Variants in GAS6 observed in about 807,000 individuals in gnomAD.
GAS6 encodes the protein growth arrest-specific protein 6.
In GAS6, 41 loss-of-function variants were observed where a neutral mutation model predicts 75.8. The observed-to-expected ratio is 0.54, with a 90% CI of 0.42 to 0.70. The LOEUF (loss-of-function observed/expected upper bound fraction) is 0.70, where lower values mean the gene tolerates loss of function less well. Among genes scored for constraint, GAS6 ranks in the 30% least tolerant of loss-of-function variants. The probability of loss-of-function intolerance (pLI) is 0.00; values close to 1 mark genes in which losing one functional copy is unlikely to be tolerated. For synonymous variants in GAS6, 432 were observed against 412.6 expected (o/e 1.05, Z -0.57); for missense variants, 854 against 940.2 (o/e 0.91, Z 1.20).
chr13:113,838,914 T>G (rs1170134561), intron 5 of GAS6, among the ~76,000 whole-genome samples: 20 of 152,100 alleles, frequency 1.3e-4, no homozygotes, highest in Non-Finnish European at 1.5e-5. Context: ...GGCTTGGACC[T>G]CACACCCCAC....
chr13:113,857,596 G>A (rs1230635834), intron 2 of GAS6, among the ~76,000 whole-genome samples: 5 of 152,184 alleles, frequency 3.3e-5, no homozygotes, highest in Admixed American at 6.5e-5. Flanking sequence ...CCTGTCAATC[G>A]CTCTGGGGTA....
intron 14 of GAS6, 55 bp from the exon 15 acceptor site, chr13:113,821,073 C>G (rs2051450683): frequency 6.3e-7 from 1 of 1,582,954 alleles, no homozygotes; most frequent in Non-Finnish European, 8.6e-7. Context: ...CCGGCCCCGC[C>G]TGGCCCCCCC....
chr13:113,829,161 T>A (rs1315170843), intron 10 of GAS6, among the ~76,000 whole-genome samples: 10 of 83,338 alleles, frequency 1.2e-4, no homozygotes, highest in East Asian at 3.4e-4. Flanking sequence ...CACCTGATCC[T>A]CCCCTGAGCC....
chr13:113,820,805 C>T lies in GAS6; in HGVS notation c.*59G>A. On this transcript the variant is annotated 3_prime_UTR_variant, in exon 15 of 15. Transcript: ENST00000327773. ...ATGGCCCCACGTGGTGAGGAGCCCC[C>T]AGGCTCCTCCCGGCTGTCTCGGACA... 6.4e-7 allele frequency: 1 copy of T among 1,555,360 alleles called. No homozygotes were observed. Among genetic ancestry groups the T allele is most frequent in the Non-Finnish European group, 8.7e-7 (1 of 1,147,826 alleles).
intron 2 of GAS6, among the ~76,000 whole-genome samples, chr13:113,861,208 C>T (rs1268482704): frequency 1.3e-5 from 2 of 152,196 alleles, no homozygotes; most frequent in East Asian, 3.9e-4. Flanking sequence ...GCTGTCCCTT[C>T]CCTCCCTCGT....
intron 10 of GAS6, among the ~76,000 whole-genome samples, chr13:113,831,436 G>C (rs1482246831): frequency 1.3e-5 from 2 of 152,198 alleles, no homozygotes; most frequent in Admixed American, 6.5e-5. Context: ...GGAGCTCTGG[G>C]CTGTGGTGCG....
In GAS6 at chr13:113,820,648, T is replaced by TCTGCGCTGCGCCGG; in HGVS notation, c.*202_*215dup. The stretch of plus-strand genomic sequence containing the variant: ...AGAGAATTATTTTCTTCGAGCCCGC[T>TCTGCGCTGCGCCGG]CTGCGCTGCGCCGGCCTCCCCGCGC... On this transcript the variant is annotated 3_prime_UTR_variant, in exon 15 of 15. Transcript: ENST00000327773. 1.8e-6 allele frequency: 1 copy of TCTGCGCTGCGCCGG among 546,206 alleles called. No homozygotes were observed. Among genetic ancestry groups the TCTGCGCTGCGCCGG allele is most frequent in the Non-Finnish European group, 3.3e-6 (1 of 307,042 alleles). The allele number at this position is 546,206 out of a possible 1,614,324, so 33.8% of individuals were successfully genotyped here. A position where few individuals can be genotyped will look rare whatever the true frequency, so the allele number is the denominator to read the frequency against.
Position 113,827,154 on chromosome 13 carries a change from C to G in GAS6, c.1319G>C (p.Arg440Pro). 1 of 1,612,332 alleles carries G rather than the reference C, an allele frequency of 6.2e-7. No homozygotes were observed. Among genetic ancestry groups the G allele is most frequent in the Non-Finnish European group, 8.5e-7 (1 of 1,179,410 alleles). Residue 440 changes from arginine (R) to proline (P), a missense_variant, in exon 12 of 15, where the codon CGT becomes CCT. Physicochemically the swap from Arg to Pro is moderately radical, Grantham distance 103. Coordinates refer to ENST00000327773, the MANE Select transcript of GAS6 (RefSeq NM_000820.4). ...CCAGCTCCTCATGCAGCCATCCAGA[C>G]GAGGGTTTATCTGGAAAGGCAGAGA... The part of the protein sequence containing the change: ...EKDLVQPINP[R>P]LDGCMRSWNW...
In GAS6 at chr13:113,821,746, G is replaced by A. The variant is rs368868061; in HGVS notation, c.1882+212C>T. ...CTCAGGCCAATGCCGGCCCCCGTAC[G>A]TGTTTCTCAGTCTCAGCCAATGACC... On this transcript the variant is annotated intron_variant, in intron 14 of 14. Transcript: ENST00000327773. 4.5e-5 allele frequency: 24 copies of A among 535,832 alleles called. No homozygotes were observed. The Middle Eastern group carries it at 1.4e-3, about 32-fold the overall frequency. 33.2% of individuals were successfully genotyped at this position (535,832 alleles called of 1,614,324 possible). A position where few individuals can be genotyped will look rare whatever the true frequency, so the allele number is the denominator to read the frequency against.
In GAS6 at chr13:113,863,587, G is replaced by C. The variant is rs1163914676; in HGVS notation, c.243C>G (p.Asn81Lys). ...SREEAREVFE[N>K]DPETDYFYPR... ...GCCGGCTGCTCACCGTCTCGGGGTC[G>C]TTCTCGAACACCTCCCGCGCCTCCT... Residue 81 changes from asparagine to lysine, a missense_variant, in exon 2 of 15, where the codon AAC becomes AAG. Asn to Lys is a moderately conservative substitution (Grantham distance 94). Coordinates refer to ENST00000327773, the MANE Select transcript of GAS6 (RefSeq NM_000820.4). The surrounding 1 kb of genome is among the most constrained non-coding windows in gnomAD (Gnocchi z 9.4). The C allele has an allele frequency of 3.3e-6, 5 of 1,515,762 alleles. No homozygotes were observed. Among genetic ancestry groups the C allele is most frequent in the Non-Finnish European group, 4.4e-6 (5 of 1,133,844 alleles). 93.9% of individuals were successfully genotyped at this position (1,515,762 alleles called of 1,614,324 possible). A position where few individuals can be genotyped will look rare whatever the true frequency, so the allele number is the denominator to read the frequency against.
chr13:113,864,013 G>T lies in GAS6; in HGVS notation c.-93C>A. On this transcript the variant is annotated 5_prime_UTR_variant, in exon 1 of 15. Coordinates refer to ENST00000327773, the MANE Select transcript of GAS6 (RefSeq NM_000820.4). ...AGGCTCCGGTCATCCCGTCCTGGCGGCCCTGAAGGTCACATCGCGGCGGCG... is the reference window on the plus strand; with the variant it reads ...AGGCTCCGGTCATCCCGTCCTGGCGTCCCTGAAGGTCACATCGCGGCGGCG... The T allele has an allele frequency of 9.8e-7, 1 of 1,020,086 alleles. No homozygotes were observed. Among genetic ancestry groups the T allele is most frequent in the Non-Finnish European group, 1.2e-6 (1 of 855,892 alleles). The allele number at this position is 1,020,086 out of a possible 1,614,324, so 63.2% of individuals were successfully genotyped here. A position where few individuals can be genotyped will look rare whatever the true frequency, so the allele number is the denominator to read the frequency against.
At position 113,835,549 on chromosome 13, in the gene GAS6, C is replaced by T; in HGVS notation, c.676G>A (p.Gly226Ser). ...TTCTCCTGGGAGCTGTACGCAAAGC[C>T]CTCGTCACAGAGGCAGGAGTAGGAG... The part of the protein sequence containing the change: ...PGSYSCLCDE[G>S]FAYSSQEKAC... The change falls in exon 7 of 15, where the codon GGC becomes AGC. Residue 226 changes from glycine to serine, a missense_variant. Gly to Ser is a moderately conservative substitution (Grantham distance 56). Transcript: ENST00000327773. The T allele has an allele frequency of 6.2e-7, 1 of 1,612,594 alleles. No individual in the cohort carries two copies.
intron 13 of GAS6, 103 bp downstream of exon 13, chr13:113,823,272 C>T (rs1461172624): frequency 1.5e-6 from 2 of 1,305,652 alleles, no homozygotes; most frequent in African/African-American, 1.5e-5. Context: ...TTGGGGGTCC[C>T]TGGGGATCCC....
intron 2 of GAS6, among the ~76,000 whole-genome samples, chr13:113,859,241 C>T (rs2051948273): frequency 6.9e-6 from 1 of 144,026 alleles, no homozygotes; most frequent in Non-Finnish European, 1.5e-5. Context: ...TCTGTGTGTG[C>T]CTATGTATGC....
Position 113,820,891 on chromosome 13 carries a change from G to A in GAS6, c.2010C>T (p.Cys670=), listed in dbSNP as rs544848038. Residue 670 remains cysteine, a synonymous_variant, in exon 15 of 15, where the codon TGC becomes TGT. Transcript: ENST00000327773. ...YKHSDITAHS[C]PPVEPAAA ...AGGCTGCGGCGGGCTCCACGGGGGG[G>A]CAGGAGTGGGCCGTGATGTCGCTGT... 2 of 1,611,432 alleles carry A rather than the reference G, an allele frequency of 1.2e-6. No homozygotes were observed. Among genetic ancestry groups the A allele is most frequent in the Admixed American group, 1.7e-5 (1 of 60,010 alleles).
At chr13:113,862,768 G>T (rs1163651198) in intron 2 of GAS6, among the ~76,000 whole-genome samples, 1 of 152,186 alleles carries the variant, frequency 6.6e-6, no homozygotes, top group African/African-American at 2.4e-5. Context: ...CACCCCAGGA[G>T]AATTCTTTAA....
intron 2 of GAS6, among the ~76,000 whole-genome samples, chr13:113,856,549 C>T (rs8000868): frequency 0.2 from 29,983 of 152,014 alleles, 3,174 homozygotes; most frequent in South Asian, 0.38. Flanking sequence ...AGCTGAGCGA[C>T]GGACGAGCTA....
chr13:113,826,939 G>A (rs548573573), intron 12 of GAS6, 57 bp downstream of exon 12: 273 of 1,436,590 alleles, frequency 1.9e-4, no homozygotes, highest in Middle Eastern at 1.9e-4. Context: ...TGCTTTCAGC[G>A]TATGCCTGTC....
At position 113,834,613 on chromosome 13, in the gene GAS6, A is replaced by T. The variant is rs746850190; in HGVS notation, c.772T>A (p.Tyr258Asn). Residue 258 changes from tyrosine to asparagine, a missense_variant, in exon 8 of 15, where the codon TAC becomes AAC. Coordinates refer to ENST00000327773, the MANE Select transcript of GAS6 (RefSeq NM_000820.4). ...EQVCVNSPGS[Y>N]TCHCDGRGGL... ...CCACGCCCGTCACAGTGGCAGGTGT[A>T]GCTCCCTGGGGAGTTCACGCAGACC... The T allele has an allele frequency of 6.3e-7, 1 of 1,599,438 alleles. No homozygotes were observed. The highest frequency in any genetic ancestry group is 2.3e-5 in the East Asian group (1 of 43,864).
Sources: gnomAD v4.1 joint callset for allele counts (sites outside exome capture counted in the v4.1 genomes callset) on GRCh38, gnomAD v4.1.1 for gene constraint, Gnocchi (gnomAD v3.1) non-coding constraint, MANE v1.5 for transcripts, NCBI Gene and HGNC (gene_info 2026-07-23, HGNC 2026-07-21) for gene names.